Variants in KIAA1217 observed in about 807,000 individuals in gnomAD.
The protein encoded by KIAA1217 is sickle tail protein homolog.
A neutral mutation model predicts 163.9 loss-of-function variants in KIAA1217; 88 were observed. The observed-to-expected ratio is 0.54, with a 90% confidence interval of 0.45 to 0.64. The LOEUF (loss-of-function observed/expected upper bound fraction) is 0.64, where lower values mean the gene tolerates loss of function less well. KIAA1217 is among the 30% of genes least tolerant of loss of function. The probability of loss-of-function intolerance (pLI) is 0.00; values close to 1 mark genes in which losing one functional copy is unlikely to be tolerated. For missense variants in KIAA1217, 2,372 were observed against 2,475.0 expected (o/e 0.96, Z 0.88); for synonymous variants, 903 against 923.1 (o/e 0.98, Z 0.39).
rs182974827 is a variant in KIAA1217, at chr10:24,229,867, T to G, written c.354+9958T>G. On this transcript the variant is annotated intron_variant, in intron 2 of 20. Transcript: ENST00000376454. ...GGAAAGGACATAAATTTTTTAGCAA[T>G]TAAGAAATCTAGTATACTGTGTGCA... 4.1e-3 allele frequency among the ~76,000 whole-genome samples: 627 copies of G among 152,178 alleles called. 6 individuals carry two copies. Among genetic ancestry groups the G allele is most frequent in the African/African-American group, 0.014 (596 of 41,520 alleles).
chr10:23,916,968 CAAAAAAAAAAAA>C (rs72049753), intron 1 of KIAA1217, among the ~76,000 whole-genome samples: 1 of 80,064 alleles, frequency 1.2e-5, no homozygotes, highest in Non-Finnish European at 2.6e-5. Context: ...GAGATTCTCT[CAAAAAAAAAAAA>C]AAAAAAAAGG....
Position 24,209,311 on chromosome 10 carries a change from CT to C in KIAA1217, c.70+50del, listed in dbSNP as rs2067773305. The C allele has an allele frequency of 3.6e-6, 5 of 1,389,046 alleles. No individual in the cohort carries two copies. In the African/African-American group the frequency reaches 7.3e-5, roughly 20 times the overall value. The allele number at this position is 1,389,046 out of a possible 1,614,324, so 86.0% of individuals were successfully genotyped here. ...GATGGAGTTACAGGGACGCGTGCCCCTTGCCGCTTGCTGCTTTTTATAAACT... is the reference window on the plus strand; with the variant it reads ...GATGGAGTTACAGGGACGCGTGCCCCTGCCGCTTGCTGCTTTTTATAAACT... On this transcript the variant is annotated intron_variant, in intron 1 of 20. Coordinates refer to ENST00000376454, the MANE Select transcript of KIAA1217 (RefSeq NM_019590.5).
At position 24,260,547 on chromosome 10, in the gene KIAA1217, C is replaced by T. The variant is rs897775746; in HGVS notation, c.354+40638C>T. The stretch of plus-strand genomic sequence containing the variant: ...GAAGGATCAATTGAGTCCAGAAGCT[C>T]GAGACGATCCTGGGCAACTTTGTGA... On this transcript the variant is annotated intron_variant, in intron 2 of 20. Transcript: ENST00000376454. Among the ~76,000 whole-genome samples, 12 of 138,632 alleles carry T rather than the reference C, an allele frequency of 8.7e-5. No homozygotes were observed. In the East Asian group the frequency reaches 1.3e-3, roughly 15 times the overall value. The allele number at this position is 138,632 out of a possible 152,430, so 90.9% of individuals were successfully genotyped here.
intron 1 of KIAA1217, among the ~76,000 whole-genome samples, chr10:23,710,862 T>C (rs890810019): frequency 2.0e-5 from 3 of 152,212 alleles, no homozygotes; most frequent in Non-Finnish European, 4.4e-5. Flanking sequence ...GGTCACCATC[T>C]ATCCTTCTTA....
chr10:23,951,701 GT>G (rs1304050903), intron 1 of KIAA1217, among the ~76,000 whole-genome samples: 1 of 152,100 alleles, frequency 6.6e-6, no homozygotes, highest in Non-Finnish European at 1.5e-5. Flanking sequence ...ATGCCATGAT[GT>G]TTTTAGTCTG....
intron 1 of KIAA1217, among the ~76,000 whole-genome samples, chr10:23,958,291 G>T (rs750106668): frequency 6.6e-6 from 1 of 152,186 alleles, no homozygotes; most frequent in Non-Finnish European, 1.5e-5. Context: ...CAGACTGGGT[G>T]CAGGTGGGTG....
rs558820626 is a variant in KIAA1217 at position 24,128,234 on chromosome 10, G to A, written c.-170-91392G>A. The stretch of plus-strand genomic sequence containing the variant: ...AATGGCAATAATCTCTTCCAAAACA[G>A]TTGTTAGTCTGGATCCTAAGGGATT... On this transcript the variant is annotated intron_variant, in intron 2 of 18. Coordinates refer to the KIAA1217 transcript ENST00000376462. Among the ~76,000 whole-genome samples, 5 of 152,262 alleles carry A rather than the reference G, an allele frequency of 3.3e-5. No homozygotes were observed. In the South Asian group the frequency reaches 6.2e-4, roughly 19 times the overall value.
chr10:24,160,923 A>C (rs2065089497), intron 2 of KIAA1217, among the ~76,000 whole-genome samples: 1 of 152,232 alleles, frequency 6.6e-6, no homozygotes, highest in African/African-American at 2.4e-5. Flanking sequence ...TTTGAATTTA[A>C]TAGCATTAAT....
intron 2 of KIAA1217, among the ~76,000 whole-genome samples, chr10:24,146,466 C>G (rs2064316735): frequency 6.6e-6 from 1 of 152,028 alleles, no homozygotes; most frequent in African/African-American, 2.4e-5. Flanking sequence ...TTGTTAAGAC[C>G]CTGATTGAAA....
intron 1 of KIAA1217, among the ~76,000 whole-genome samples, chr10:23,775,375 A>G (rs1834964562): frequency 6.6e-6 from 1 of 152,194 alleles, no homozygotes; most frequent in Non-Finnish European, 1.5e-5. Flanking sequence ...TGTCTGGGAA[A>G]CTAAGGATGG....
chr10:23,934,573 A>ATGTGTGTGTGTGTGTG lies in KIAA1217; in HGVS notation c.-320-72651_-320-72650insGTGTGTGTGTGTGTGT, dbSNP rs1564545489. 3.1e-4 allele frequency among the ~76,000 whole-genome samples: 23 copies of ATGTGTGTGTGTGTGTG among 75,144 alleles called. 1 individual carries two copies. The African/African-American group carries it at 3.4e-3, about 11-fold the overall frequency. The allele number at this position is 75,144 out of a possible 152,430, so 49.3% of individuals were successfully genotyped here. ...GTCTTTAAAGTATATATATATATAT[A>ATGTGTGTGTGTGTGTG]TATATATATATATATATGTATATAT... On this transcript the variant is annotated intron_variant, in intron 1 of 18. Transcript: ENST00000376462.
chr10:24,175,636 C>T (rs529327187), intron 2 of KIAA1217, among the ~76,000 whole-genome samples: 6 of 152,174 alleles, frequency 3.9e-5, no homozygotes, highest in East Asian at 3.9e-4. Context: ...TGGACCCTCG[C>T]GGTGAGTGTT....
intron 3 of KIAA1217, among the ~76,000 whole-genome samples, chr10:24,409,522 G>A (rs2131296140): frequency 6.6e-6 from 1 of 152,232 alleles, no homozygotes; most frequent in South Asian, 2.1e-4. Context: ...TCTTCATTTT[G>A]GTGATCGTTT....
intron 1 of KIAA1217, among the ~76,000 whole-genome samples, chr10:23,949,577 G>A (rs1844234921): frequency 6.6e-6 from 1 of 151,222 alleles, no homozygotes; most frequent in Non-Finnish European, 1.5e-5. Context: ...AAATAGACAG[G>A]AACATTTTTT....
intron 5 of KIAA1217, chr10:24,449,566 T>C (rs1336136057): frequency 1.2e-5 from 12 of 985,274 alleles, no homozygotes; most frequent in Non-Finnish European, 1.4e-5. Flanking sequence ...GTCCGTGAAA[T>C]AGTTTTAACA....
chr10:24,294,926 T>C (rs1401966272), intron 2 of KIAA1217, among the ~76,000 whole-genome samples: 1 of 152,200 alleles, frequency 6.6e-6, no homozygotes, highest in Non-Finnish European at 1.5e-5. Context: ...TTTTCTACTG[T>C]GGAATACCTT....
At position 24,473,946 on chromosome 10, in the gene KIAA1217, A is replaced by G; in HGVS notation, c.1565A>G (p.Glu522Gly). The G allele has an allele frequency of 1.2e-6, 2 of 1,614,174 alleles. 1 individual carries two copies. Residue 522 changes from glutamate to glycine, a missense_variant, in exon 6 of 21, where the codon GAA becomes GGA. Glu to Gly is a moderately conservative substitution (Grantham distance 98). Around this residue, in one of 3 missense-constraint regions of KIAA1217, gnomAD observed 1,431 missense variants for 1,470.3 expected, o/e 0.97. Coordinates refer to ENST00000376454, the MANE Select transcript of KIAA1217 (RefSeq NM_019590.5). The stretch of plus-strand genomic sequence containing the variant: ...GAGCCAGGCACCTTGGTGTATATAG[A>G]AAAGCCACGGAGCGCTGCAGGATTA... ...KKEPGTLVYI[E>G]KPRSAAGLSS...
chr10:23,995,313 A>G (rs549631406), intron 1 of KIAA1217, among the ~76,000 whole-genome samples: 1 of 152,306 alleles, frequency 6.6e-6, no homozygotes, highest in East Asian at 1.9e-4. Flanking sequence ...GTAAATGGGA[A>G]AAAGAAACAC....
At chr10:23,868,980 T>G (rs181415214) in intron 1 of KIAA1217, among the ~76,000 whole-genome samples, 1 of 152,150 alleles carries the variant, frequency 6.6e-6, no homozygotes, top group Non-Finnish European at 1.5e-5. Flanking sequence ...GTCTTGTCAT[T>G]GGAATTAAAG....
Sources: gnomAD v4.1 joint callset for allele counts (sites outside exome capture counted in the v4.1 genomes callset) on GRCh38, gnomAD v4.1.1 for gene constraint, gnomAD v4.1.1 regional missense constraint, MANE v1.5 for transcripts, NCBI Gene and HGNC (gene_info 2026-07-23, HGNC 2026-07-21) for gene names.